PCDHA4: variants seen among roughly 807,000 people sequenced by gnomAD.
PCDHA4 encodes the protein protocadherin alpha-4.
In PCDHA4, 49 loss-of-function variants were observed where a neutral mutation model predicts 61.4. The observed-to-expected ratio is 0.80, with a 90% confidence interval of 0.63 to 1.01. PCDHA4 has a LOEUF of 1.01. PCDHA4 is among the 50% of genes least tolerant of loss of function. The pLI is 0.00. For missense variants in PCDHA4, 1,254 were observed against 1,235.8 expected (o/e 1.01, Z -0.22); for synonymous variants, 590 against 550.3 (o/e 1.07, Z -1.01).
At chr5:140,842,923 G>C in intron 1 of PCDHA4, 1 of 1,594,642 alleles carries the variant, frequency 6.3e-7, no homozygotes, top group Non-Finnish European at 8.6e-7. Context: ...TGCAGTTCCA[G>C]GTGAGCGCGC....
chr5:141,003,001 C>T (rs1403843420), intron 3 of PCDHA4, among the ~76,000 whole-genome samples: 3 of 152,182 alleles, frequency 2.0e-5, no homozygotes, highest in Admixed American at 1.3e-4. Flanking sequence ...AGTTTATGTT[C>T]TATTAGGGAA....
chr5:140,911,502 G>A (rs911736161), intron 1 of PCDHA4, among the ~76,000 whole-genome samples: 4 of 152,104 alleles, frequency 2.6e-5, no homozygotes, highest in Admixed American at 1.3e-4. Flanking sequence ...CAGGTTTGAG[G>A]TTCAGTATCT....
At chr5:140,859,044 G>A (rs1228604447) in intron 1 of PCDHA4, 2 of 150,376 alleles carry the variant, frequency 1.3e-5, no homozygotes, top group Non-Finnish European at 3.0e-5. Flanking sequence ...CTTTAAAAAC[G>A]TTTTCCATTT....
chr5:140,838,286 T>TC (rs2150151139), intron 1 of PCDHA4, among the ~76,000 whole-genome samples: 1 of 149,632 alleles, frequency 6.7e-6, no homozygotes, highest in African/African-American at 2.5e-5. Context: ...GCTAATTTTT[T>TC]TTTTTTTTTG....
At chr5:140,855,743 G>A (rs2043601940) in intron 1 of PCDHA4, 1 of 316,702 alleles carries the variant, frequency 3.2e-6, no homozygotes, top group African/African-American at 2.1e-5. Flanking sequence ...GAGACGTAAT[G>A]TGAGGCTTTG....
intron 1 of PCDHA4, among the ~76,000 whole-genome samples, chr5:140,908,655 G>C (rs1419890192): frequency 6.6e-6 from 1 of 152,176 alleles, no homozygotes; most frequent in East Asian, 1.9e-4. Context: ...ATGGGGGCCT[G>C]CCAAAGGCTC....
chr5:140,877,917 TTTC>T, intron 1 of PCDHA4: 2 of 1,427,712 alleles, frequency 1.4e-6, no homozygotes, highest in East Asian at 5.0e-5. Flanking sequence ...TTCTCTCATT[TTTC>T]TTTATGATTC....
In PCDHA4 at chr5:140,876,724, G is replaced by A. The variant is rs140611870; in HGVS notation, c.2385+67152G>A. On this transcript the variant is annotated intron_variant, in intron 1 of 3. Transcript: ENST00000530339. The stretch of plus-strand genomic sequence containing the variant: ...GGACAGCGCCCTGGACCGCGAGAGC[G>A]TGTCGGCCTATGAGCTGGTGGTGAC... The A allele has an allele frequency of 2.3e-4, 378 of 1,614,246 alleles. 3 individuals are homozygous for A. In the East Asian group the frequency reaches 2.9e-3, roughly 13 times the overall value.
At chr5:140,841,726 A>G (rs1777447763) in intron 1 of PCDHA4, 1 of 1,613,794 alleles carries the variant, frequency 6.2e-7, no homozygotes, top group African/African-American at 1.3e-5. Flanking sequence ...TGTTCCGGGT[A>G]AAAGACCAAA....
intron 1 of PCDHA4, among the ~76,000 whole-genome samples, chr5:140,873,090 T>G (rs540850056): frequency 6.6e-6 from 1 of 152,198 alleles, no homozygotes; most frequent in Non-Finnish European, 1.5e-5. Context: ...CCCCCCCGTA[T>G]AGAGGCATAA....
chr5:140,824,073 A>G (rs1767987238), intron 1 of PCDHA4: 1 of 1,614,196 alleles, frequency 6.2e-7, no homozygotes, highest in Middle Eastern at 1.6e-4. Flanking sequence ...CACCCAAAAC[A>G]GACCTCATGG....
chr5:140,834,178 C>A, intron 1 of PCDHA4: 1 of 557,362 alleles, frequency 1.8e-6, no homozygotes, highest in Non-Finnish European at 3.1e-6. Context: ...ACATGATGGC[C>A]ACATGATGTC....
chr5:140,975,679 A>G (rs1312259048), intron 1 of PCDHA4, among the ~76,000 whole-genome samples: 1 of 152,250 alleles, frequency 6.6e-6, no homozygotes, highest in Non-Finnish European at 1.5e-5. Context: ...TATTAATAAA[A>G]TAGGGTATTT....
chr5:140,848,211 A>C, intron 1 of PCDHA4: 1 of 353,668 alleles, frequency 2.8e-6, no homozygotes, highest in South Asian at 5.2e-5. Context: ...TCATTACTTA[A>C]GAAAAAATTA....
chr5:140,884,244 T>C, intron 1 of PCDHA4: 1 of 1,613,386 alleles, frequency 6.2e-7, no homozygotes, highest in Non-Finnish European at 8.5e-7. Flanking sequence ...GAGCCCGCGC[T>C]GACGGCCACG....
intron 1 of PCDHA4, among the ~76,000 whole-genome samples, chr5:140,963,630 C>T (rs1370293911): frequency 3.3e-5 from 5 of 152,140 alleles, no homozygotes; most frequent in African/African-American, 1.2e-4. Flanking sequence ...TTGTTGCATA[C>T]GCATCTTCCC....
intron 1 of PCDHA4, chr5:140,823,209 A>G (rs201089803): frequency 1.5e-5 from 25 of 1,613,654 alleles, no homozygotes; most frequent in South Asian, 2.2e-5. Context: ...CGGTGTCTGC[A>G]CGGGACGCGG....
intron 1 of PCDHA4, among the ~76,000 whole-genome samples, chr5:140,932,839 C>T (rs138437913): frequency 6.6e-6 from 1 of 151,940 alleles, no homozygotes; most frequent in East Asian, 1.9e-4. Flanking sequence ...GACAATGTGT[C>T]TCATAATGTT....
intron 1 of PCDHA4, among the ~76,000 whole-genome samples, chr5:140,941,214 C>CCTTTCTTTCTTCCTTT (rs2092876516): frequency 8.2e-6 from 1 of 122,414 alleles, no homozygotes; most frequent in Non-Finnish European, 1.7e-5. Context: ...TTTCTTTCTT[C>CCTTTCTTTCTTCCTTT]CTTTCTTTCT....
Sources: allele counts gnomAD v4.1 joint callset (sites outside exome capture counted in the v4.1 genomes callset), GRCh38; gene constraint gnomAD v4.1.1; transcripts MANE v1.5; gene names NCBI Gene and HGNC (gene_info 2026-07-23, HGNC 2026-07-21).